Variants in ANKEF1 observed in about 807,000 individuals in gnomAD.
The protein encoded by ANKEF1 is ankyrin repeat and EF-hand domain containing 1, also known as ankyrin repeat and EF-hand domain-containing protein 1.
Under a neutral mutation model 65.1 loss-of-function variants are expected in ANKEF1, and 43 were observed. The ratio of observed to expected loss-of-function variants is 0.66; its 90% CI spans 0.52 to 0.85. ANKEF1 has a LOEUF of 0.85. Among genes scored for constraint, ANKEF1 ranks in the 40% least tolerant of loss-of-function variants. ANKEF1 has a pLI of 0.00. For synonymous variants in ANKEF1, 316 were observed against 341.5 expected, an observed-to-expected ratio of 0.93 and a Z score of 0.82; for missense variants, 934 against 952.9, an observed-to-expected ratio of 0.98 and a Z score of 0.26.
At chr20:10,042,902 A>G (rs1201385550) in intron 3 of ANKEF1, among the ~76,000 whole-genome samples, 4 of 152,220 alleles carry the variant, frequency 2.6e-5, no homozygotes, top group African/African-American at 7.2e-5. Flanking sequence ...TCCATAAGCC[A>G]GGTCCTATCA....
At chr20:10,052,648 T>C (rs1357753075) in intron 8 of ANKEF1, among the ~76,000 whole-genome samples, 1 of 152,130 alleles carries the variant, frequency 6.6e-6, no homozygotes, top group African/African-American at 2.4e-5. Flanking sequence ...CCTGATGATA[T>C]TATAGGTAAC....
chr20:10,050,368 CTT>C (rs999149451), intron 7 of ANKEF1, among the ~76,000 whole-genome samples, 156 bp downstream of exon 7: 2 of 113,280 alleles, frequency 1.8e-5, no homozygotes, highest in Admixed American at 8.3e-5. Context: ...TAACAATTAA[CTT>C]ATAGGCTTCA....
At chr20:10,054,431 C>A (rs757289275) in intron 9 of ANKEF1, 31 bp from the exon 10 acceptor site, 31 of 1,496,534 alleles carry the variant, frequency 2.1e-5, no homozygotes, top group Admixed American at 7.6e-5. Context: ...TAGATTTTTA[C>A]AATTTATAAT....
In ANKEF1 at chr20:10,055,557, G is replaced by T; in HGVS notation, c.2228G>T (p.Arg743Leu). ...AELIRKRELR[R>L]ERFTHEVDFD... ...CTGATCAGGAAGAGGGAACTACGGC[G>T]AGAGAGGTTTACACATGAGGTGGAC... The change falls in exon 11 of 11, where the codon CGA (arginine) becomes CTA (leucine). Residue 743 changes from arginine (R) to leucine (L), a missense_variant. By Grantham distance (102) the Arg-to-Leu change is moderately radical. Transcript: ENST00000378392. 1 of 1,613,792 alleles carries T rather than the reference G, an allele frequency of 6.2e-7. No homozygotes were observed. The highest frequency in any genetic ancestry group is 8.5e-7 in the Non-Finnish European group (1 of 1,179,790).
rs778644590 is a variant in ANKEF1 at position 10,055,684 on chromosome 20, T to C, written c.*24T>C. ...AAGTCATAGCAGTTATTTCTTGGGG[T>C]AAATGCTTTGAGGCCCAGGGACCAA... On this transcript the variant is annotated 3_prime_UTR_variant, in exon 11 of 11. Transcript: ENST00000378392. The C allele has an allele frequency of 3.1e-6, 5 of 1,612,952 alleles. No individual in the cohort carries two copies. Among genetic ancestry groups the C allele is most frequent in the Non-Finnish European group, 4.2e-6 (5 of 1,179,138 alleles).
rs779801566 is a variant in ANKEF1, at chr20:10,055,640, G to A, written c.2311G>A (p.Glu771Lys). 6.2e-7 allele frequency: 1 copy of A among 1,613,784 alleles called. No individual in the cohort carries two copies. Among genetic ancestry groups the A allele is most frequent in the Non-Finnish European group, 8.5e-7 (1 of 1,179,772 alleles). The change falls in exon 11 of 11, where the codon GAA becomes AAA. Residue 771 changes from glutamate (E) to lysine (K), a missense_variant. By Grantham distance (56) the Glu-to-Lys change is moderately conservative. Transcript: ENST00000378392. ...CATCACAGAGAAAGCTCGAGCACTG[G>A]AAGCTGCCTTGAAGACCTAAGTCAT... ...KNITEKARALEAALKT is the reference protein window; with the variant it reads ...KNITEKARALKAALKT
chr20:10,053,381 T>C (rs1311880398), intron 9 of ANKEF1, 106 bp downstream of exon 9: 1 of 926,810 alleles, frequency 1.1e-6, no homozygotes, highest in African/African-American at 1.7e-5. Context: ...ATGGGTAAGA[T>C]AATATGCAGT....
intron 5 of ANKEF1, 134 bp downstream of exon 5, chr20:10,044,677 T>G: frequency 1.5e-6 from 1 of 675,222 alleles, no homozygotes; most frequent in Non-Finnish European, 2.2e-6. Flanking sequence ...TTCATCTTGA[T>G]TTCCCCAAAT....
rs765657099 is a variant in ANKEF1, at chr20:10,055,589, G to A, written c.2260G>A (p.Asp754Asn). The change falls in exon 11 of 11, where the codon GAT becomes AAT. Residue 754 changes from aspartate (D) to asparagine (N), a missense_variant. Coordinates refer to ENST00000378392, the MANE Select transcript of ANKEF1 (RefSeq NM_022096.6). ...GTTTACACATGAGGTGGACTTCGAC[G>A]ATTTTATGATGCCTTTTCAGAAGAA... ...ERFTHEVDFD[D>N]FMMPFQKNIT... 6 of 1,613,718 alleles carry A rather than the reference G, an allele frequency of 3.7e-6. No homozygotes were observed. Among genetic ancestry groups the A allele is most frequent in the Admixed American group, 1.7e-5 (1 of 59,966 alleles).
intron 5 of ANKEF1, 87 bp downstream of exon 5, chr20:10,044,630 G>A (rs138849215): frequency 5.4e-5 from 69 of 1,289,202 alleles, no homozygotes; most frequent in East Asian, 4.8e-4. Flanking sequence ...TATAGAGTAC[G>A]CTAAGGCAGA....
At position 10,043,092 on chromosome 20, in the gene ANKEF1, A is replaced by G. The variant is rs745925388; in HGVS notation, c.347-30A>G. The G allele has an allele frequency of 5.6e-6, 9 of 1,605,594 alleles. No homozygotes were observed. The South Asian group carries it at 6.6e-5, about 12-fold the overall frequency. On this transcript the variant is annotated intron_variant, in intron 3 of 10. Transcript: ENST00000378392. ...CCTGTCAAATATGTATAGATGTTAAATACTCTCTGGGGATTTTATTTCTCT... is the reference window on the plus strand; with the variant it reads ...CCTGTCAAATATGTATAGATGTTAAGTACTCTCTGGGGATTTTATTTCTCT...
At chr20:10,042,909 A>G (rs908748632) in intron 3 of ANKEF1, among the ~76,000 whole-genome samples, 3 of 152,182 alleles carry the variant, frequency 2.0e-5, no homozygotes, top group Admixed American at 6.5e-5. Context: ...GCCAGGTCCT[A>G]TCATATGTGG....
At chr20:10,042,191 C>T (rs942973059) in intron 3 of ANKEF1, among the ~76,000 whole-genome samples, 6 of 152,154 alleles carry the variant, frequency 3.9e-5, no homozygotes, top group Non-Finnish European at 7.4e-5. Context: ...TATCTTTGCA[C>T]TTTCATTTTA....
Position 10,049,924 on chromosome 20 carries a change from C to A in ANKEF1, c.1355C>A (p.Pro452Gln), listed in dbSNP as rs150754725. 6.2e-7 allele frequency: 1 copy of A among 1,613,968 alleles called. No individual in the cohort carries two copies. Among genetic ancestry groups the A allele is most frequent in the African/African-American group, 1.3e-5 (1 of 74,894 alleles). ...AFPRRQDGGP[P>Q]YYMIETYKNV... Reference sequence around the variant, plus strand: ...CCACGCCGGCAGGATGGTGGGCCACCGTATTACATGATTGAGACCTACAAG... The same window carrying A: ...CCACGCCGGCAGGATGGTGGGCCACAGTATTACATGATTGAGACCTACAAG... Residue 452 changes from proline (P) to glutamine (Q), a missense_variant, in exon 7 of 11, where the codon CCG (proline) becomes CAG (glutamine). Transcript: ENST00000378392.
At chr20:10,054,942 C>G (rs931606474) in intron 10 of ANKEF1, among the ~76,000 whole-genome samples, 3 of 152,102 alleles carry the variant, frequency 2.0e-5, no homozygotes, top group African/African-American at 7.2e-5. Context: ...CTTCTTTGTA[C>G]TTAACTACTA....
chr20:10,044,252 C>T (rs1984372533), intron 4 of ANKEF1, 142 bp from the exon 5 acceptor site: 1 of 908,084 alleles, frequency 1.1e-6, no homozygotes, highest in Non-Finnish European at 1.6e-6. Context: ...CTCTTTGTTA[C>T]ATGAAGCTAA....
In ANKEF1 at chr20:10,038,363, G is replaced by T; in HGVS notation, c.62G>T (p.Arg21Leu). ...LQIYKVLQCVRNKDKKQIEKL... is the reference protein window; with the variant it reads ...LQIYKVLQCVLNKDKKQIEKL... The stretch of plus-strand genomic sequence containing the variant: ...ATCTACAAAGTTCTTCAATGTGTGC[G>T]GAACAAAGACAAGAAGCAGATAGAG... The change falls in exon 3 of 11, where the codon CGG becomes CTG. Residue 21 changes from arginine to leucine, a missense_variant. Physicochemically the swap from Arg to Leu is moderately radical, Grantham distance 102 (BLOSUM62 -2). Transcript: ENST00000378392. 1.2e-6 allele frequency: 2 copies of T among 1,612,660 alleles called. No individual in the cohort carries two copies. Among genetic ancestry groups the T allele is most frequent in the Non-Finnish European group, 8.5e-7 (1 of 1,178,964 alleles).
chr20:10,043,499 TC>T (rs1477133587), intron 4 of ANKEF1, among the ~76,000 whole-genome samples, 178 bp downstream of exon 4: 2 of 152,162 alleles, frequency 1.3e-5, no homozygotes, highest in Admixed American at 6.5e-5. Context: ...ACAGTCTGTT[TC>T]CTAATTATGT....
rs1269262329 is a variant in ANKEF1, at chr20:10,043,326, G to A, written c.546+5G>A. ...AATCCTAATGCAATCAACTCAGTATGGCTATTCTTGTGATTACAAATATTT... is the reference window on the plus strand; with the variant it reads ...AATCCTAATGCAATCAACTCAGTATAGCTATTCTTGTGATTACAAATATTT... On this transcript the variant is annotated splice_donor_5th_base_variant and intron_variant, in intron 4 of 10. Transcript: ENST00000378392. 6.2e-6 allele frequency: 10 copies of A among 1,612,324 alleles called. No homozygotes were observed. Among genetic ancestry groups the A allele is most frequent in the South Asian group, 1.1e-5 (1 of 91,010 alleles).
Sources: gnomAD v4.1 joint callset for allele counts (sites outside exome capture counted in the v4.1 genomes callset) on GRCh38, gnomAD v4.1.1 for gene constraint, MANE v1.5 for transcripts, NCBI Gene and HGNC (gene_info 2026-07-23, HGNC 2026-07-21) for gene names.